SLCO1B1: variants seen among roughly 807,000 people sequenced by gnomAD.
SLCO1B1 encodes the protein OATP-2.
A neutral mutation model predicts 70.1 loss-of-function variants in SLCO1B1; 81 were observed. The ratio of observed to expected loss-of-function variants is 1.16; its 90% confidence interval spans 0.97 to 1.39. The LOEUF is 1.39. Ranked by LOEUF, SLCO1B1 falls within the 40% of genes most tolerant of loss-of-function variation. The pLI, the probability that SLCO1B1 is intolerant of heterozygous loss-of-function variation, is 0.00. For missense variants in SLCO1B1, 895 were observed against 799.6 expected (o/e 1.12, Z -1.44); for synonymous variants, 283 against 271.5 (o/e 1.04, Z -0.42).
In SLCO1B1 at chr12:21,175,696, CTCTTGATTCATTTTCTA is replaced by C. The variant is rs1458047770; in HGVS notation, c.359+992_359+1008del. Among the ~76,000 whole-genome samples, 2 of 152,128 alleles carry C rather than the reference CTCTTGATTCATTTTCTA, an allele frequency of 1.3e-5. 1 individual carries two copies. ...TAGCTTGTTTTCATCATACTGCACT[CTCTTGATTCATTTTCTA>C]TCTTTGTGTCTTCTTCATCATGTCC... On this transcript the variant is annotated intron_variant, in intron 4 of 14. Coordinates refer to ENST00000256958, the MANE Select transcript of SLCO1B1 (RefSeq NM_006446.5).
At chr12:21,155,590 G>C (rs367739459) in intron 2 of SLCO1B1, among the ~76,000 whole-genome samples, 2 of 152,190 alleles carry the variant, frequency 1.3e-5, no homozygotes, top group South Asian at 2.1e-4. Context: ...CATTTACTTA[G>C]TTATGATAGT....
At chr12:21,186,172 G>A (rs975176130) in intron 7 of SLCO1B1, among the ~76,000 whole-genome samples, 2 of 151,916 alleles carry the variant, frequency 1.3e-5, no homozygotes, top group African/African-American at 4.8e-5. Flanking sequence ...TCAAATTTAA[G>A]CACAGAAACA....
chr12:21,152,533 C>CTTTGTTTTTTTTTT (rs1940485182), intron 2 of SLCO1B1, among the ~76,000 whole-genome samples: 1 of 34,358 alleles, frequency 2.9e-5, no homozygotes, highest in Non-Finnish European at 5.2e-5. Context: ...AGAGGAGAGG[C>CTTTGTTTTTTTTTT]TTTTTTTTTT....
chr12:21,210,405 T>A (rs1941268865), intron 11 of SLCO1B1, among the ~76,000 whole-genome samples: 1 of 117,472 alleles, frequency 8.5e-6, no homozygotes, highest in Non-Finnish European at 1.8e-5. Flanking sequence ...CTCTGTTCTG[T>A]TCCATTGATC....
chr12:21,207,042 A>G (rs1046050379), intron 11 of SLCO1B1, among the ~76,000 whole-genome samples: 11 of 151,968 alleles, frequency 7.2e-5, no homozygotes, highest in Non-Finnish European at 4.4e-5. Context: ...AGACTACTTA[A>G]AAGCCCACAT....
chr12:21,224,316 C>G (rs1464130807), intron 13 of SLCO1B1, among the ~76,000 whole-genome samples: 2 of 151,884 alleles, frequency 1.3e-5, no homozygotes, highest in South Asian at 4.1e-4. Context: ...GCAATTGAGC[C>G]AAGATCTTTT....
chr12:21,168,093 T>TTACA (rs1053701864), intron 2 of SLCO1B1, among the ~76,000 whole-genome samples: 5 of 152,074 alleles, frequency 3.3e-5, no homozygotes, highest in Non-Finnish European at 7.4e-5. Flanking sequence ...AGTGCTGGGA[T>TTACA]TACAAGTGTG....
intron 11 of SLCO1B1, among the ~76,000 whole-genome samples, chr12:21,213,939 T>C (rs1322311172): frequency 1.3e-5 from 2 of 149,644 alleles, no homozygotes; most frequent in Non-Finnish European, 3.0e-5. Context: ...CACTTCTCTG[T>C]ATTGGTTATT....
At chr12:21,172,540 C>A in intron 2 of SLCO1B1, 110 bp from the exon 3 acceptor site, 1 of 1,247,880 alleles carries the variant, frequency 8.0e-7, no homozygotes, top group Admixed American at 1.7e-5. Context: ...TTTTAAGATA[C>A]AAATAATGTT....
intron 12 of SLCO1B1, among the ~76,000 whole-genome samples, chr12:21,219,775 T>G (rs991412056): frequency 1.3e-5 from 2 of 152,196 alleles, no homozygotes; most frequent in Non-Finnish European, 2.9e-5. Flanking sequence ...ATTTATTTAT[T>G]TTTGAGAGAC....
intron 11 of SLCO1B1, among the ~76,000 whole-genome samples, chr12:21,213,979 A>T (rs1186319072): frequency 6.6e-6 from 1 of 150,978 alleles, no homozygotes; most frequent in Non-Finnish European, 1.5e-5. Context: ...AATTTTTTTC[A>T]AAGTTTTCAA....
chr12:21,219,162 T>C (rs1941393895), intron 12 of SLCO1B1, among the ~76,000 whole-genome samples: 1 of 152,020 alleles, frequency 6.6e-6, no homozygotes, highest in South Asian at 2.1e-4. Context: ...TAAAATAGAG[T>C]AAGTGTGAAG....
chr12:21,174,047 A>G (rs1055369358), intron 3 of SLCO1B1, among the ~76,000 whole-genome samples: 2 of 152,010 alleles, frequency 1.3e-5, no homozygotes, highest in African/African-American at 4.8e-5. Flanking sequence ...GTGAGCCACC[A>G]TGCCTGGCCT....
At chr12:21,221,344 T>C (rs1941421718) in intron 12 of SLCO1B1, among the ~76,000 whole-genome samples, 1 of 151,966 alleles carries the variant, frequency 6.6e-6, no homozygotes. Context: ...AGAAAAGGTA[T>C]CCAAATTAGA....
At chr12:21,204,406 T>G (rs1941190674) in intron 10 of SLCO1B1, among the ~76,000 whole-genome samples, 1 of 151,932 alleles carries the variant, frequency 6.6e-6, no homozygotes, top group African/African-American at 2.4e-5. Context: ...TAGTATTACT[T>G]TCTAATATAG....
intron 11 of SLCO1B1, among the ~76,000 whole-genome samples, chr12:21,214,351 C>G (rs555058671): frequency 0.012 from 1,829 of 147,126 alleles, 89 homozygotes; most frequent in African/African-American, 0.045. Context: ...CCTGCTGGGG[C>G]GTGCCTCCCA....
chr12:21,189,528 A>G (rs112835764), intron 7 of SLCO1B1, among the ~76,000 whole-genome samples: 1,617 of 152,028 alleles, frequency 0.011, 27 homozygotes, highest in African/African-American at 0.036. Flanking sequence ...GCTCACTGCA[A>G]TCTCTGCCTG....
chr12:21,203,754 C>T (rs886240602), intron 10 of SLCO1B1, among the ~76,000 whole-genome samples: 2 of 151,936 alleles, frequency 1.3e-5, no homozygotes, highest in African/African-American at 4.8e-5. Flanking sequence ...GGTAAAAGAA[C>T]CTTAGAGATG....
At chr12:21,174,451 T>G in intron 3 of SLCO1B1, 126 bp from the exon 4 acceptor site, 1 of 893,238 alleles carries the variant, frequency 1.1e-6, no homozygotes, top group Non-Finnish European at 1.8e-6. Flanking sequence ...ACCTTCTCAA[T>G]TAAATCACAT....
Sources: gnomAD v4.1 joint callset for allele counts (sites outside exome capture counted in the v4.1 genomes callset) on GRCh38, gnomAD v4.1.1 for gene constraint, MANE v1.5 for transcripts, NCBI Gene and HGNC (gene_info 2026-07-23, HGNC 2026-07-21) for gene names.